The following DYSF variants were observed in gnomAD, a reference collection of about 807,000 sequenced individuals.
The protein encoded by DYSF is dystrophy-associated fer-1-like 1.
In DYSF, 212 loss-of-function variants were observed where a neutral mutation model predicts 274.9. The ratio of observed to expected loss-of-function variants is 0.77; its 90% CI spans 0.69 to 0.86. The LOEUF is 0.86. Ranked by LOEUF, DYSF falls within the 40% of genes least tolerant of loss-of-function variation. DYSF has a pLI of 0.00. For missense variants in DYSF, 2,666 were observed against 2,783.2 expected (o/e 0.96, Z 0.95); for synonymous variants, 1,091 against 1,078.7 (o/e 1.01, Z -0.22).
At chr2:71,674,568 T>C (rs566492383) in intron 52 of DYSF, among the ~76,000 whole-genome samples, 4 of 152,280 alleles carry the variant, frequency 2.6e-5, no homozygotes, top group African/African-American at 9.6e-5. Context: ...GACTCAGATA[T>C]GTAAGTAAGC....
chr2:71,528,166 G>C (rs1215162571), intron 13 of DYSF, 132 bp from the exon 14 acceptor site: 2 of 788,296 alleles, frequency 2.5e-6, no homozygotes, highest in Non-Finnish European at 4.4e-6. Context: ...CCCCTGGGCT[G>C]AGTCCCTGTG....
intron 55 of DYSF, 149 bp downstream of exon 55, chr2:71,682,826 C>G: frequency 8.6e-7 from 1 of 1,165,752 alleles, no homozygotes; most frequent in Non-Finnish European, 1.2e-6. Flanking sequence ...CAGAGCCCAG[C>G]TCTGGGGAGT....
chr2:71,640,344 A>G (rs1358612077), intron 41 of DYSF, among the ~76,000 whole-genome samples: 3 of 152,252 alleles, frequency 2.0e-5, no homozygotes, highest in African/African-American at 7.2e-5. Context: ...AATAAATGAA[A>G]AATTCTAACC....
At chr2:71,563,598 G>A (rs1447337653) in intron 23 of DYSF, among the ~76,000 whole-genome samples, 1 of 152,212 alleles carries the variant, frequency 6.6e-6, no homozygotes, top group Non-Finnish European at 1.5e-5. Flanking sequence ...TGTCCTCTGG[G>A]AAGGGCATAC....
At chr2:71,524,834 A>G (rs1395110912) in intron 12 of DYSF, among the ~76,000 whole-genome samples, 1 of 152,186 alleles carries the variant, frequency 6.6e-6, no homozygotes, top group Non-Finnish European at 1.5e-5. Flanking sequence ...GTATAGTTAC[A>G]AGCCCCCTTG....
At chr2:71,644,103 C>T (rs758939374) in intron 42 of DYSF, 40 bp downstream of exon 42, 23 of 1,483,024 alleles carry the variant, frequency 1.6e-5, no homozygotes, top group East Asian at 1.4e-4. Context: ...TGTGTGTGTG[C>T]GTACTGGGCA....
intron 4 of DYSF, among the ~76,000 whole-genome samples, chr2:71,509,911 G>T (rs2085904317): frequency 6.6e-6 from 1 of 152,086 alleles, no homozygotes; most frequent in Non-Finnish European, 1.5e-5. Context: ...GAGTAGCAGG[G>T]ATTACAGGTG....
At chr2:71,544,339 C>A (rs1056312186) in intron 17 of DYSF, among the ~76,000 whole-genome samples, 1 of 152,070 alleles carries the variant, frequency 6.6e-6, no homozygotes, top group Non-Finnish European at 1.5e-5. Context: ...AGTTTCTGGC[C>A]GACTCTACCC....
At chr2:71,463,197 G>A (rs573437815), upstream of DYSF, among the ~76,000 whole-genome samples, 6 of 152,352 alleles carry the variant, frequency 3.9e-5, no homozygotes, top group East Asian at 5.8e-4. Context: ...AAGTCTGGAG[G>A]GGGTTGAGGC....
chr2:71,582,640 G>A (rs1178950478), intron 30 of DYSF, among the ~76,000 whole-genome samples: 2 of 152,136 alleles, frequency 1.3e-5, no homozygotes, highest in African/African-American at 2.4e-5. Context: ...GCTGGTCAAT[G>A]TTTAACAACC....
chr2:71,472,552 G>A (rs1343176111), intron 1 of DYSF, among the ~76,000 whole-genome samples: 23 of 152,180 alleles, frequency 1.5e-4, no homozygotes, highest in Middle Eastern at 3.4e-3. Flanking sequence ...GACTACAGGC[G>A]TCCACCACCA....
In DYSF at chr2:71,570,046, A is replaced by G. The variant is rs10183967; in HGVS notation, c.2979+112A>G. The G allele has an allele frequency of 6.3e-6, 7 of 1,113,088 alleles. No homozygotes were observed. In the African/African-American group the frequency reaches 7.7e-5, roughly 12 times the overall value. The allele number at this position is 1,113,088 out of a possible 1,614,324, so 69.0% of individuals were successfully genotyped here. On this transcript the variant is annotated intron_variant, in intron 27 of 55. Coordinates refer to ENST00000410020, the MANE Select transcript of DYSF (RefSeq NM_001130987.2). ...TCTTTGCCCCCTCTTACCTCCGGAGACTTCATGCTTTGATTTCCAAAGGGA... is the reference window on the plus strand; with the variant it reads ...TCTTTGCCCCCTCTTACCTCCGGAGGCTTCATGCTTTGATTTCCAAAGGGA...
At chr2:71,614,167 C>T (rs1467342465) in intron 40 of DYSF, among the ~76,000 whole-genome samples, 1 of 152,204 alleles carries the variant, frequency 6.6e-6, no homozygotes, top group Non-Finnish European at 1.5e-5. Context: ...GTCCTTCCCA[C>T]AGTAGACATG....
chr2:71,550,935 G>C, intron 17 of DYSF, 106 bp from the exon 18 acceptor site: 1 of 892,056 alleles, frequency 1.1e-6, no homozygotes, highest in Non-Finnish European at 1.9e-6. Flanking sequence ...GGTGCATGTG[G>C]GGGGGAACTG....
chr2:71,645,084 A>T (rs190117619), intron 42 of DYSF, among the ~76,000 whole-genome samples: 2 of 152,220 alleles, frequency 1.3e-5, no homozygotes, highest in East Asian at 1.9e-4. Flanking sequence ...GCCCCAGTGG[A>T]TGTGTGTTAC....
exon 1 of DYSF, chr2:71,453,830 C>A: frequency 1.4e-6 from 1 of 712,756 alleles, no homozygotes; most frequent in Admixed American, 2.1e-5. Context: ...CCGGGGGTGG[C>A]CCGTTCCCCT....
chr2:71,614,929 G>A (rs563231730), intron 40 of DYSF, among the ~76,000 whole-genome samples: 1 of 152,268 alleles, frequency 6.6e-6, no homozygotes, highest in African/African-American at 2.4e-5. Context: ...GGCTGCTTGG[G>A]TGTTTATAGC....
chr2:71,624,510 G>A (rs2094170360), intron 41 of DYSF, among the ~76,000 whole-genome samples: 1 of 152,100 alleles, frequency 6.6e-6, no homozygotes, highest in Admixed American at 6.5e-5. Flanking sequence ...AGGCTCTGTG[G>A]CATGATAATT....
At chr2:71,560,699 G>GT in intron 22 of DYSF, among the ~76,000 whole-genome samples, 1 of 152,214 alleles carries the variant, frequency 6.6e-6, no homozygotes, top group East Asian at 1.9e-4. Flanking sequence ...CGCTCCGGCG[G>GT]TAATTGGTTC....
Sources: allele counts gnomAD v4.1 joint callset (sites outside exome capture counted in the v4.1 genomes callset), GRCh38; gene constraint gnomAD v4.1.1; transcripts MANE v1.5; gene names NCBI Gene and HGNC (gene_info 2026-07-23, HGNC 2026-07-21).